Variants in DCC observed in about 807,000 individuals in gnomAD.
DCC encodes the protein netrin receptor DCC.
In DCC, 58 loss-of-function variants were observed where a neutral mutation model predicts 172.5. The observed-to-expected ratio is 0.34, with a 90% CI of 0.27 to 0.42. The LOEUF (loss-of-function observed/expected upper bound fraction) is 0.42, where lower values mean the gene tolerates loss of function less well. Ranked by LOEUF, DCC falls within the 10% of genes least tolerant of loss-of-function variation. The pLI, the probability that DCC is intolerant of heterozygous loss-of-function variation, is 1.00. For synonymous variants in DCC, 709 were observed against 644.5 expected (o/e 1.10, Z -1.52); for missense variants, 1,740 against 1,791.0 (o/e 0.97, Z 0.51).
At chr18:52,937,788 C>CT (rs2040402591) in intron 5 of DCC, among the ~76,000 whole-genome samples, 6 of 152,030 alleles carry the variant, frequency 3.9e-5, no homozygotes, top group Admixed American at 3.3e-4. Flanking sequence ...GCCAATGTGA[C>CT]TTTTGTCTTA....
chr18:52,500,542 T>G (rs968480353), intron 1 of DCC, among the ~76,000 whole-genome samples: 1 of 152,190 alleles, frequency 6.6e-6, no homozygotes, highest in South Asian at 2.1e-4. Context: ...ACAATTATTT[T>G]GGCGCTAATA....
intron 9 of DCC, among the ~76,000 whole-genome samples, chr18:53,198,665 G>A (rs189406508): frequency 2.3e-3 from 357 of 152,212 alleles, no homozygotes; most frequent in Non-Finnish European, 2.9e-3. Flanking sequence ...ATAGTGACAT[G>A]TAATACATCT....
intron 1 of DCC, among the ~76,000 whole-genome samples, chr18:52,624,454 A>G (rs1385837372): frequency 6.6e-6 from 1 of 152,124 alleles, no homozygotes; most frequent in East Asian, 1.9e-4. Flanking sequence ...ATCAGCTGGG[A>G]GTTTATTTTT....
At chr18:53,164,635 T>G (rs1240115580) in intron 8 of DCC, among the ~76,000 whole-genome samples, 1 of 152,156 alleles carries the variant, frequency 6.6e-6, no homozygotes, top group Admixed American at 6.6e-5. Flanking sequence ...GTATCTGATG[T>G]GTAAGGTTGT....
intron 2 of DCC, among the ~76,000 whole-genome samples, chr18:52,792,040 A>G (rs1357081638): frequency 1.3e-5 from 2 of 152,066 alleles, no homozygotes; most frequent in Non-Finnish European, 1.5e-5. Flanking sequence ...GAGGGGTGCA[A>G]TAAGGGCAAA....
intron 7 of DCC, among the ~76,000 whole-genome samples, chr18:53,139,939 A>G (rs2043805396): frequency 6.6e-6 from 1 of 152,210 alleles, no homozygotes; most frequent in South Asian, 2.1e-4. Flanking sequence ...GTGAGCTCCA[A>G]AAAGGCAGAC....
chr18:53,511,840 CAG>C (rs1321730604), intron 27 of DCC, among the ~76,000 whole-genome samples: 1 of 141,338 alleles, frequency 7.1e-6, no homozygotes, highest in African/African-American at 3.2e-5. Flanking sequence ...ATTGCTAGCA[CAG>C]CACGGCAGTC....
chr18:53,515,229 G>A (rs1436229033), intron 27 of DCC, among the ~76,000 whole-genome samples: 1 of 151,940 alleles, frequency 6.6e-6, no homozygotes, highest in African/African-American at 2.4e-5. Flanking sequence ...TGCAGAAAAA[G>A]CCTTTGACAA....
rs953039163 is a variant in DCC at position 53,083,370 on chromosome 18, T to C, written c.1261+17204T>C. Among the ~76,000 whole-genome samples, 19 of 152,290 alleles carry C rather than the reference T, an allele frequency of 1.2e-4. No homozygotes were observed. The East Asian group carries it at 3.7e-3, about 29-fold the overall frequency. ...AAGGCCTCAGGTATGGCTTGGATGA[T>C]TAGCAACATGAAAGAACACTGGCAA... is the stretch of plus-strand genomic sequence containing the variant. On this transcript the variant is annotated intron_variant, in intron 7 of 28. Coordinates refer to ENST00000442544, the MANE Select transcript of DCC (RefSeq NM_005215.4).
chr18:52,925,183 C>A lies in DCC; in HGVS notation c.849-51C>A, dbSNP rs192977693. On this transcript the variant is annotated intron_variant, in intron 4 of 28. Coordinates refer to ENST00000442544, the MANE Select transcript of DCC (RefSeq NM_005215.4). ...GTCATTTAAAGCTCTGAGTATCTTG[C>A]TTAATATATACATATGTTAATTTAC... is the stretch of plus-strand genomic sequence containing the variant. The A allele has an allele frequency of 7.0e-5, 110 of 1,562,280 alleles. 1 individual carries two copies. In the African/African-American group the frequency reaches 1.4e-3, roughly 20 times the overall value.
intron 12 of DCC, among the ~76,000 whole-genome samples, chr18:53,261,793 C>G (rs920183020): frequency 1.4e-4 from 22 of 152,160 alleles, no homozygotes; most frequent in African/African-American, 5.1e-4. Flanking sequence ...GCCACTGCGA[C>G]CGGCCATTTA....
At chr18:53,446,503 C>T (rs1232181726) in intron 22 of DCC, among the ~76,000 whole-genome samples, 1 of 152,140 alleles carries the variant, frequency 6.6e-6, no homozygotes, top group Non-Finnish European at 1.5e-5. Context: ...AGCCTGTCTC[C>T]CAGATCTCCT....
At chr18:52,910,803 T>C (rs547736946) in intron 3 of DCC, among the ~76,000 whole-genome samples, 96 of 152,290 alleles carry the variant, frequency 6.3e-4, no homozygotes, top group African/African-American at 2.1e-3. Context: ...GTTAGATGAC[T>C]CTGAGTCCTG....
intron 12 of DCC, among the ~76,000 whole-genome samples, chr18:53,298,944 G>A (rs552350589): frequency 1.3e-5 from 2 of 152,188 alleles, no homozygotes; most frequent in South Asian, 2.1e-4. Context: ...GTGACCTTGG[G>A]CCTATCCTTC....
intron 5 of DCC, among the ~76,000 whole-genome samples, chr18:53,025,454 C>A (rs191113344): frequency 6.6e-5 from 10 of 152,090 alleles, no homozygotes; most frequent in Non-Finnish European, 1.5e-4. Flanking sequence ...CTTCCCTGTT[C>A]AACATATTTG....
chr18:53,496,117 A>G (rs2046020625), intron 26 of DCC, among the ~76,000 whole-genome samples: 1 of 152,166 alleles, frequency 6.6e-6, no homozygotes, highest in South Asian at 2.1e-4. Flanking sequence ...TAAGGGACAT[A>G]CTGCCTCCTC....
At chr18:52,492,330 A>G (rs997319976) in intron 1 of DCC, among the ~76,000 whole-genome samples, 2 of 151,996 alleles carry the variant, frequency 1.3e-5, no homozygotes, top group African/African-American at 4.8e-5. Flanking sequence ...TTATTTTAAG[A>G]AAACCAGGGT....
At chr18:53,028,380 C>A (rs1444936469) in intron 5 of DCC, among the ~76,000 whole-genome samples, 2 of 151,940 alleles carry the variant, frequency 1.3e-5, no homozygotes, top group African/African-American at 4.8e-5. Flanking sequence ...AGCCCCTGTC[C>A]CCCCAGCTAA....
At chr18:53,026,501 T>C (rs1344984344) in intron 5 of DCC, among the ~76,000 whole-genome samples, 1 of 152,288 alleles carries the variant, frequency 6.6e-6, no homozygotes. Flanking sequence ...TAGTCTGAAT[T>C]AATAACTCAC....
Sources: gnomAD v4.1 joint callset for allele counts (sites outside exome capture counted in the v4.1 genomes callset) on GRCh38, gnomAD v4.1.1 for gene constraint, MANE v1.5 for transcripts, NCBI Gene and HGNC (gene_info 2026-07-23, HGNC 2026-07-21) for gene names.